The following OSGIN2 variants were observed in gnomAD, a reference collection of about 807,000 sequenced individuals.
OSGIN2 encodes oxidative stress induced growth inhibitor family member 2, also known as oxidative stress-induced growth inhibitor 2.
In OSGIN2, 19 loss-of-function variants were observed where a neutral mutation model predicts 53.8. That is an observed-to-expected ratio of 0.35 (90% confidence interval 0.25 to 0.52). The LOEUF is 0.52. Among genes scored for constraint, OSGIN2 ranks in the 20% least tolerant of loss-of-function variants. OSGIN2 has a pLI of 0.95. For missense variants in OSGIN2, 520 were observed against 662.7 expected (o/e 0.78, Z 2.36); for synonymous variants, 236 against 236.0 (o/e 1.00, Z 0.00).
intron 1 of OSGIN2, among the ~76,000 whole-genome samples, 165 bp from the exon 2 acceptor site, chr8:89,909,402 T>TAGCGA (rs1156592493): frequency 2.0e-5 from 3 of 152,206 alleles, no homozygotes; most frequent in Non-Finnish European, 4.4e-5. Flanking sequence ...GGTTGACATG[T>TAGCGA]AGCGAAGCTA....
chr8:89,924,311 A>G (rs564627979), intron 5 of OSGIN2, among the ~76,000 whole-genome samples, 192 bp from the exon 6 acceptor site: 3 of 152,324 alleles, frequency 2.0e-5, no homozygotes, highest in African/African-American at 7.2e-5. Flanking sequence ...GACTTCTTCC[A>G]ATTTTTTGCT....
chr8:89,904,086 G>C (rs989850343), intron 1 of OSGIN2, among the ~76,000 whole-genome samples: 1 of 152,166 alleles, frequency 6.6e-6, no homozygotes, highest in Admixed American at 6.6e-5. Flanking sequence ...TCTCTAGGTT[G>C]TGGATATTAA....
At chr8:89,915,751 G>GT (rs1809064372) in intron 4 of OSGIN2, among the ~76,000 whole-genome samples, 1 of 152,166 alleles carries the variant, frequency 6.6e-6, no homozygotes, top group African/African-American at 2.4e-5. Flanking sequence ...GGCTGTTCGT[G>GT]TATTAGTGCA....
chr8:89,902,935 C>A, intron 1 of OSGIN2, 98 bp downstream of exon 1: 1 of 791,654 alleles, frequency 1.3e-6, no homozygotes, highest in East Asian at 3.8e-5. Context: ...GGAGGGCGAG[C>A]GCCTGGACCG....
chr8:89,921,053 TAC>T lies in OSGIN2; in HGVS notation c.529-25_529-24del, dbSNP rs761210539. On this transcript the variant is annotated intron_variant, in intron 4 of 5. Coordinates refer to ENST00000451899, the MANE Select transcript of OSGIN2 (RefSeq NM_001126111.3). Reference sequence around the variant, plus strand: ...CATGTTACTTCTTGTTTTTTGACGGTACATTTTTTTTTTTAAACTCTAATAGA... The same window carrying T: ...CATGTTACTTCTTGTTTTTTGACGGTATTTTTTTTTTTAAACTCTAATAGA... 1.3e-4 allele frequency: 182 copies of T among 1,352,306 alleles called. 1 individual carries two copies. The highest frequency in any genetic ancestry group is 6.2e-6 in the Non-Finnish European group (6 of 968,798). 83.8% of individuals were successfully genotyped at this position (1,352,306 alleles called of 1,614,324 possible). A position where few individuals can be genotyped will look rare whatever the true frequency, so the allele number is the denominator to read the frequency against.
At chr8:89,902,496 G>T (rs1014574984), upstream of OSGIN2, 1 of 152,900 alleles carries the variant, frequency 6.5e-6, no homozygotes, top group African/African-American at 2.4e-5. Context: ...GGAGGGGCCC[G>T]CGCGCCGCTG....
chr8:89,921,674 T>A (rs546046640), intron 5 of OSGIN2, among the ~76,000 whole-genome samples: 2 of 151,250 alleles, frequency 1.3e-5, no homozygotes, highest in South Asian at 4.2e-4. Context: ...ACATATTTAA[T>A]AAAAAAAAAT....
chr8:89,922,082 A>G (rs1051766515), intron 5 of OSGIN2, among the ~76,000 whole-genome samples: 4 of 152,240 alleles, frequency 2.6e-5, no homozygotes, highest in African/African-American at 7.2e-5. Flanking sequence ...AATCCTGTCA[A>G]TCATTTTCAA....
At chr8:89,911,596 C>T (rs1808968066) in intron 2 of OSGIN2, among the ~76,000 whole-genome samples, 2 of 148,608 alleles carry the variant, frequency 1.3e-5, no homozygotes, top group Admixed American at 1.4e-4. Context: ...CGCCATTGTA[C>T]TCCAGCTTGG....
At position 89,924,953 on chromosome 8, in the gene OSGIN2, C is replaced by T. The variant is rs1337795071; in HGVS notation, c.1071C>T (p.Ala357=). Residue 357 remains alanine (A), a synonymous_variant, in exon 6 of 6, where the codon GCC becomes GCT. Transcript: ENST00000451899. ...PVLIVGSGLT[A]ADAVLCAYNS... ...TAATTGTAGGTTCTGGGCTTACTGC[C>T]GCTGACGCAGTACTGTGTGCTTACA... 5.6e-6 allele frequency: 9 copies of T among 1,613,930 alleles called. No individual in the cohort carries two copies. Among genetic ancestry groups the T allele is most frequent in the East Asian group, 2.2e-5 (1 of 44,880 alleles).
chr8:89,924,752 T>C lies in OSGIN2; in HGVS notation c.870T>C (p.Gly290=). ...EIRGYQRIAD[G]SHVPFCLFAE... is the part of the protein sequence containing the mutation. ...GGGGTTATCAGCGAATAGCTGATGG[T>C]TCTCATGTTCCCTTCTGCCTCTTTG... The change falls in exon 6 of 6, where the codon GGT becomes GGC. Residue 290 remains glycine, a synonymous_variant. Coordinates refer to ENST00000451899, the MANE Select transcript of OSGIN2 (RefSeq NM_001126111.3). 1 of 1,614,186 alleles carries C rather than the reference T, an allele frequency of 6.2e-7. No individual in the cohort carries two copies. Among genetic ancestry groups the C allele is most frequent in the Non-Finnish European group, 8.5e-7 (1 of 1,180,012 alleles).
intron 5 of OSGIN2, 73 bp downstream of exon 5, chr8:89,921,244 T>C: frequency 2.4e-6 from 2 of 835,162 alleles, no homozygotes; most frequent in Non-Finnish European, 3.9e-6. Flanking sequence ...TCAAAATATT[T>C]GTGATTTTGT....
chr8:89,902,984 G>A (rs893191511), intron 1 of OSGIN2, 147 bp downstream of exon 1: 1 of 387,760 alleles, frequency 2.6e-6, no homozygotes, highest in Non-Finnish European at 4.3e-6. Flanking sequence ...CTGGCGTGGG[G>A]GTGGGGTGGG....
chr8:89,912,660 C>T (rs570215458), intron 2 of OSGIN2, among the ~76,000 whole-genome samples: 2 of 151,696 alleles, frequency 1.3e-5, no homozygotes, highest in African/African-American at 4.8e-5. Context: ...GCAGGAGAAT[C>T]GCTTGAACCC....
intron 1 of OSGIN2, among the ~76,000 whole-genome samples, chr8:89,904,062 G>C (rs1031370935): frequency 5.9e-5 from 9 of 152,228 alleles, no homozygotes; most frequent in Non-Finnish European, 1.0e-4. Context: ...ACCTCTCAGT[G>C]AGTTTAGAAT....
chr8:89,915,781 T>C (rs1014978188), intron 4 of OSGIN2, among the ~76,000 whole-genome samples: 2 of 152,206 alleles, frequency 1.3e-5, no homozygotes, highest in Non-Finnish European at 2.9e-5. Flanking sequence ...ATCTGAAAAG[T>C]TGTTTACGTT....
chr8:89,913,190 G>A (rs754052211), intron 2 of OSGIN2, among the ~76,000 whole-genome samples: 3 of 152,154 alleles, frequency 2.0e-5, no homozygotes, highest in African/African-American at 4.8e-5. Flanking sequence ...CTCATAATCC[G>A]AACCTTGTGG....
At chr8:89,904,933 C>T (rs1808803497) in intron 1 of OSGIN2, among the ~76,000 whole-genome samples, 1 of 152,216 alleles carries the variant, frequency 6.6e-6, no homozygotes, top group Admixed American at 6.5e-5. Context: ...GAAAAAACCT[C>T]TTCCTTCGTG....
Position 89,925,427 on chromosome 8 carries a change from T to A in OSGIN2, c.1545T>A (p.Val515=). The A allele has an allele frequency of 6.2e-7, 1 of 1,614,146 alleles. No individual in the cohort carries two copies. Among genetic ancestry groups the A allele is most frequent in the Non-Finnish European group, 8.5e-7 (1 of 1,180,008 alleles). The change falls in exon 6 of 6, where the codon GTT becomes GTA. Residue 515 remains valine (V), a synonymous_variant. Transcript: ENST00000451899. The part of the protein sequence containing the change: ...ALGPLVGDNF[V]RFLKGGALGV... ...GTCCTTTGGTTGGAGACAATTTTGTTCGATTTTTAAAGGGAGGGGCGCTGG... is the reference window on the plus strand; with the variant it reads ...GTCCTTTGGTTGGAGACAATTTTGTACGATTTTTAAAGGGAGGGGCGCTGG...
Sources: gnomAD v4.1 joint callset for allele counts (sites outside exome capture counted in the v4.1 genomes callset) on GRCh38, gnomAD v4.1.1 for gene constraint, MANE v1.5 for transcripts, NCBI Gene and HGNC (gene_info 2026-07-23, HGNC 2026-07-21) for gene names.